Variants in STK32A observed in about 807,000 individuals in gnomAD.
STK32A encodes the protein serine/threonine-protein kinase 32A.
STK32A carries 41 observed loss-of-function variants against 53.2 expected under a neutral mutation model. That is an observed-to-expected ratio of 0.77 (90% CI 0.60 to 1.00). The LOEUF (loss-of-function observed/expected upper bound fraction) is 1.00. Ranked by LOEUF, STK32A falls within the 50% of genes least tolerant of loss-of-function variation. STK32A has a pLI of 0.00. For synonymous variants in STK32A, 166 were observed against 162.8 expected, an observed-to-expected ratio of 1.02 and a Z score of -0.15; for missense variants, 458 against 485.8, an observed-to-expected ratio of 0.94 and a Z score of 0.54.
intron 8 of STK32A, among the ~76,000 whole-genome samples, chr5:147,364,166 G>A (rs189290351): frequency 2.6e-3 from 329 of 124,684 alleles, no homozygotes; most frequent in African/African-American, 9.7e-3. Flanking sequence ...AGTGAGCTGA[G>A]AACACAACAT....
At chr5:147,279,433 C>G in intron 4 of STK32A, 35 bp downstream of exon 4, 1 of 1,539,450 alleles carries the variant, frequency 6.5e-7, no homozygotes, top group African/African-American at 1.4e-5. Flanking sequence ...AATAGAGACA[C>G]TCCTGTTATC....
At chr5:147,313,268 A>C (rs1561712465) in intron 4 of STK32A, among the ~76,000 whole-genome samples, 1 of 152,064 alleles carries the variant, frequency 6.6e-6, no homozygotes, top group Admixed American at 6.6e-5. Context: ...AACAACAAAC[A>C]AAGATAGATG....
chr5:147,363,831 T>C (rs1432600298), intron 8 of STK32A, among the ~76,000 whole-genome samples: 1 of 152,218 alleles, frequency 6.6e-6, no homozygotes, highest in Non-Finnish European at 1.5e-5. Context: ...TTTTGCTTAA[T>C]TATTTTTTCT....
At chr5:147,356,898 T>G (rs1756274449) in intron 7 of STK32A, among the ~76,000 whole-genome samples, 1 of 152,200 alleles carries the variant, frequency 6.6e-6, no homozygotes, top group Non-Finnish European at 1.5e-5. Context: ...GTAAAAATCC[T>G]GTTAGCAGAA....
chr5:147,370,851 A>G (rs1323861886), intron 9 of STK32A, 81 bp downstream of exon 9: 2 of 879,934 alleles, frequency 2.3e-6, no homozygotes, highest in East Asian at 2.5e-5. Context: ...TTAGTATACA[A>G]TATTGGGGAC....
chr5:147,366,575 C>T (rs371171364), intron 8 of STK32A, among the ~76,000 whole-genome samples: 11 of 152,104 alleles, frequency 7.2e-5, no homozygotes, highest in Admixed American at 5.9e-4. Flanking sequence ...TAAAGTGATC[C>T]GAATCTCTTC....
chr5:147,315,691 GA>G (rs1753959850), intron 4 of STK32A, among the ~76,000 whole-genome samples: 1 of 152,144 alleles, frequency 6.6e-6, no homozygotes, highest in Non-Finnish European at 1.5e-5. Flanking sequence ...TAGTGCCACT[GA>G]ATTGTACTTA....
intron 2 of STK32A, among the ~76,000 whole-genome samples, chr5:147,243,669 AG>A (rs1207257735): frequency 1.4e-5 from 2 of 143,648 alleles, no homozygotes; most frequent in Non-Finnish European, 3.0e-5. Flanking sequence ...TGAACCTGGG[AG>A]GTGAAGTTTG....
chr5:147,367,585 C>T (rs968439808), intron 8 of STK32A, among the ~76,000 whole-genome samples: 6 of 151,766 alleles, frequency 4.0e-5, no homozygotes, highest in Non-Finnish European at 8.8e-5. Flanking sequence ...CTCTGGTGGG[C>T]AGGGGTGAGG....
chr5:147,309,724 GC>G (rs1267514664), intron 4 of STK32A, among the ~76,000 whole-genome samples: 3 of 152,100 alleles, frequency 2.0e-5, no homozygotes, highest in African/African-American at 4.8e-5. Context: ...CTTTTGAGGT[GC>G]TGTACTAATA....
Position 147,346,265 on chromosome 5 carries a change from T to C in STK32A, c.472+3222T>C, listed in dbSNP as rs187621479. 9.9e-5 allele frequency among the ~76,000 whole-genome samples: 15 copies of C among 152,272 alleles called. No homozygotes were observed. In the East Asian group the frequency reaches 2.7e-3, roughly 28 times the overall value. On this transcript the variant is annotated intron_variant, in intron 6 of 12. Transcript: ENST00000397936. ...GAAGACCTCATTTGCCTTCTCCATC[T>C]CCATTTATAATATTTCATCCCTGAT... is the stretch of plus-strand genomic sequence containing the variant.
chr5:147,249,504 G>A (rs1456832377), intron 2 of STK32A, among the ~76,000 whole-genome samples: 7 of 151,974 alleles, frequency 4.6e-5, no homozygotes, highest in African/African-American at 1.7e-4. Flanking sequence ...TTTTCTGGGG[G>A]GTGGGAGGCA....
In STK32A at chr5:147,283,920, T is replaced by C. The variant is rs992101029; in HGVS notation, c.260+4522T>C. 2.0e-5 allele frequency among the ~76,000 whole-genome samples: 3 copies of C among 152,042 alleles called. No individual in the cohort carries two copies. In the South Asian group the frequency reaches 6.2e-4, roughly 32 times the overall value. On this transcript the variant is annotated intron_variant, in intron 4 of 12. Coordinates refer to ENST00000397936, the MANE Select transcript of STK32A (RefSeq NM_001112724.2). ...CTAAGGAAACCTCCCTAATTCATCCTATGAAGCCAGCATCACCCTAATACC... is the reference window on the plus strand; with the variant it reads ...CTAAGGAAACCTCCCTAATTCATCCCATGAAGCCAGCATCACCCTAATACC...
chr5:147,260,761 T>C (rs1754526689), intron 2 of STK32A, among the ~76,000 whole-genome samples: 2 of 152,152 alleles, frequency 1.3e-5, no homozygotes, highest in African/African-American at 2.4e-5. Context: ...GGCAGGCCCA[T>C]GGCGGGATAC....
chr5:147,384,416 C>G lies in STK32A; in HGVS notation c.*433C>G. 6.5e-7 allele frequency: 1 copy of G among 1,534,368 alleles called. No homozygotes were observed. Among genetic ancestry groups the G allele is most frequent in the Non-Finnish European group, 8.7e-7 (1 of 1,146,130 alleles). The stretch of plus-strand genomic sequence containing the variant: ...GGACACAGGACTCAGTGAGACTTTT[C>G]AGACCTCGAAAGTTTCATAAAGTGG... On this transcript the variant is annotated 3_prime_UTR_variant, in exon 13 of 13. Coordinates refer to ENST00000397936, the MANE Select transcript of STK32A (RefSeq NM_001112724.2).
chr5:147,287,895 A>G (rs766441449), intron 4 of STK32A, among the ~76,000 whole-genome samples: 11 of 151,450 alleles, frequency 7.3e-5, no homozygotes, highest in Non-Finnish European at 1.2e-4. Context: ...ATAAGGCCTT[A>G]GCATTTTACC....
intron 4 of STK32A, among the ~76,000 whole-genome samples, chr5:147,294,483 T>C (rs1272590456): frequency 2.6e-5 from 4 of 152,074 alleles, no homozygotes; most frequent in Non-Finnish European, 5.9e-5. Context: ...GCTGGTATAC[T>C]TCTTTTTTAG....
At chr5:147,380,837 T>C (rs1023511779) in intron 11 of STK32A, among the ~76,000 whole-genome samples, 1 of 152,234 alleles carries the variant, frequency 6.6e-6, no homozygotes, top group African/African-American at 2.4e-5. Context: ...ATTCACAAAA[T>C]CCAGGTAGAA....
At chr5:147,381,072 G>A (rs776928321) in intron 11 of STK32A, among the ~76,000 whole-genome samples, 3 of 152,050 alleles carry the variant, frequency 2.0e-5, no homozygotes, top group Non-Finnish European at 4.4e-5. Context: ...ACTCCTTTGA[G>A]CATTTCTTAC....
Sources: allele counts gnomAD v4.1 joint callset (sites outside exome capture counted in the v4.1 genomes callset), GRCh38; gene constraint gnomAD v4.1.1; transcripts MANE v1.5; gene names NCBI Gene and HGNC (gene_info 2026-07-23, HGNC 2026-07-21).